Variants in SLIT2 observed in about 807,000 individuals in gnomAD.
SLIT2 encodes the protein slit homolog 2 protein.
In SLIT2, 41 loss-of-function variants were observed where a neutral mutation model predicts 185.7. The ratio of observed to expected loss-of-function variants is 0.22; its 90% CI spans 0.17 to 0.29. The LOEUF (loss-of-function observed/expected upper bound fraction) is 0.29. Ranked by LOEUF, SLIT2 falls within the 10% of genes least tolerant of loss-of-function variation. The pLI, the probability that SLIT2 is intolerant of heterozygous loss-of-function variation, is 1.00. For synonymous variants in SLIT2, 693 were observed against 680.2 expected (o/e 1.02, Z -0.29); for missense variants, 1,571 against 1,909.0 (o/e 0.82, Z 3.30).
chr4:20,255,129 G>C (rs1711668607), intron 1 of SLIT2: 2 of 443,832 alleles, frequency 4.5e-6, no homozygotes, highest in African/African-American at 2.0e-5. Flanking sequence ...AAGGGCGCGG[G>C]GCTAGGCCGG....
At chr4:20,487,499 CT>C (rs1307839832) in intron 7 of SLIT2, among the ~76,000 whole-genome samples, 1 of 152,142 alleles carries the variant, frequency 6.6e-6, no homozygotes, top group Non-Finnish European at 1.5e-5. Context: ...GTTTGTCTTA[CT>C]AATCAGGTTT....
chr4:20,307,825 G>T (rs1388167052), intron 4 of SLIT2, among the ~76,000 whole-genome samples: 3 of 152,102 alleles, frequency 2.0e-5, no homozygotes, highest in Admixed American at 6.5e-5. Context: ...GCAGTAACTT[G>T]CCCAAGCTCA....
At chr4:20,532,557 C>T (rs13107694) in intron 17 of SLIT2, among the ~76,000 whole-genome samples, 4 of 152,172 alleles carry the variant, frequency 2.6e-5, no homozygotes, top group Non-Finnish European at 4.4e-5. Flanking sequence ...GCAGTTTCAG[C>T]AACACTCAGT....
chr4:20,466,146 T>A (rs1714327606), intron 4 of SLIT2, among the ~76,000 whole-genome samples: 1 of 152,186 alleles, frequency 6.6e-6, no homozygotes, highest in Non-Finnish European at 1.5e-5. Flanking sequence ...TTGTGTCTTC[T>A]ATCTCTCTTT....
At chr4:20,472,515 GATAT>G (rs1491401273) in intron 5 of SLIT2, among the ~76,000 whole-genome samples, 1 of 9,266 alleles carries the variant, frequency 1.1e-4, no homozygotes, top group Non-Finnish European at 1.6e-4. Context: ...TATATAGATA[GATAT>G]ATATCTATAT....
intron 29 of SLIT2, among the ~76,000 whole-genome samples, chr4:20,588,243 G>A (rs1403070965): frequency 6.6e-6 from 1 of 152,148 alleles, no homozygotes; most frequent in African/African-American, 2.4e-5. Context: ...CTTTTTAAGA[G>A]ACAGATAAAA....
In SLIT2 at chr4:20,254,039, G is replaced by T. The variant is rs779618648; in HGVS notation, c.179+45G>T. On this transcript the variant is annotated intron_variant, in intron 1 of 36. Coordinates refer to ENST00000504154, the MANE Select transcript of SLIT2 (RefSeq NM_004787.4). The surrounding 1 kb of genome is among the most constrained non-coding windows in gnomAD (Gnocchi z 5.1). ...CTTCCCCTCTCCCCATCCGGGCCGCGCACCCCTGCCTCCACTGGAGGAACC... is the reference window on the plus strand; with the variant it reads ...CTTCCCCTCTCCCCATCCGGGCCGCTCACCCCTGCCTCCACTGGAGGAACC... 4.5e-6 allele frequency: 7 copies of T among 1,567,124 alleles called. No individual in the cohort carries two copies. The highest frequency in any genetic ancestry group is 1.3e-5 in the African/African-American group (1 of 74,140).
intron 3 of SLIT2, among the ~76,000 whole-genome samples, chr4:20,261,500 A>C (rs1712470729): frequency 6.6e-6 from 1 of 151,842 alleles, no homozygotes; most frequent in African/African-American, 2.4e-5. Context: ...GGGCTTGTGT[A>C]AAATTCTCTT....
intron 4 of SLIT2, among the ~76,000 whole-genome samples, chr4:20,405,643 A>G (rs1372841159): frequency 6.6e-6 from 1 of 151,928 alleles, no homozygotes; most frequent in Non-Finnish European, 1.5e-5. Flanking sequence ...GGAAGGTGGT[A>G]TTAGTAGACT....
Position 20,619,791 on chromosome 4 carries a change from C to G in SLIT2, c.*782C>G, listed in dbSNP as rs976898358. 1.6e-4 allele frequency: 24 copies of G among 152,056 alleles called. No homozygotes were observed. Among genetic ancestry groups the G allele is most frequent in the African/African-American group, 5.5e-4 (23 of 41,496 alleles). 9.4% of individuals were successfully genotyped at this position (152,056 alleles called of 1,614,324 possible). A position where few individuals can be genotyped will look rare whatever the true frequency, so the allele number is the denominator to read the frequency against. On this transcript the variant is annotated 3_prime_UTR_variant, in exon 37 of 37. Transcript: ENST00000504154. ...TTTCCATGAGAAATATTTATTGTAT[C>G]AAAGTACATTGTACTTAACATTTTA...
chr4:20,385,597 C>T (rs188934996), intron 4 of SLIT2, among the ~76,000 whole-genome samples: 75 of 152,182 alleles, frequency 4.9e-4, no homozygotes, highest in African/African-American at 1.6e-3. Context: ...TTTATTTCAT[C>T]GGTGAAATAA....
At chr4:20,557,009 A>G (rs1248486063) in intron 26 of SLIT2, among the ~76,000 whole-genome samples, 5 of 152,090 alleles carry the variant, frequency 3.3e-5, no homozygotes, top group South Asian at 2.1e-4. Context: ...CAAGGCCCCA[A>G]CTCTCTTTAT....
chr4:20,578,962 A>G (rs949733400), intron 29 of SLIT2, among the ~76,000 whole-genome samples: 22 of 152,148 alleles, frequency 1.4e-4, no homozygotes, highest in African/African-American at 5.1e-4. Flanking sequence ...TAGATGAGAC[A>G]TCCCATTGCC....
chr4:20,415,285 C>G (rs1020838627), intron 4 of SLIT2, among the ~76,000 whole-genome samples: 2 of 151,950 alleles, frequency 1.3e-5, no homozygotes, highest in African/African-American at 2.4e-5. Flanking sequence ...GTGGCGGGCG[C>G]CTGTAGTCCC....
chr4:20,488,448 A>G (rs1717462161), intron 7 of SLIT2, among the ~76,000 whole-genome samples: 2 of 152,314 alleles, frequency 1.3e-5, no homozygotes, highest in South Asian at 4.1e-4. Context: ...CACAACTTTT[A>G]CTAACTTGCC....
In SLIT2 at chr4:20,354,244, C is replaced by CA. The variant is rs199997355; in HGVS notation, c.395+85372dup. Among the ~76,000 whole-genome samples the CA allele has an allele frequency of 3.1e-3, 458 of 146,972 alleles. 1 individual carries two copies. Among genetic ancestry groups the CA allele is most frequent in the African/African-American group, 1.0e-2 (399 of 39,986 alleles). ...TTTTTTTTTTAACTTTTCCTTTCTGCAAAAAAAAATCAAACATTTATTAAC... is the reference window on the plus strand; with the variant it reads ...TTTTTTTTTTAACTTTTCCTTTCTGCAAAAAAAAAATCAAACATTTATTAAC... On this transcript the variant is annotated intron_variant, in intron 4 of 36. Transcript: ENST00000504154.
intron 4 of SLIT2, among the ~76,000 whole-genome samples, chr4:20,355,161 G>T (rs928537733): frequency 3.3e-5 from 5 of 152,148 alleles, no homozygotes; most frequent in Admixed American, 3.3e-4. Context: ...ATGGCAACAG[G>T]TGTGTAATTA....
chr4:20,490,467 A>G (rs999773832), intron 8 of SLIT2, among the ~76,000 whole-genome samples: 2 of 152,134 alleles, frequency 1.3e-5, no homozygotes, highest in African/African-American at 4.8e-5. Flanking sequence ...ATATATATAT[A>G]TGTATGGTTG....
intron 4 of SLIT2, among the ~76,000 whole-genome samples, chr4:20,296,557 A>G (rs1716504717): frequency 6.6e-6 from 1 of 152,206 alleles, no homozygotes; most frequent in Non-Finnish European, 1.5e-5. Context: ...GTGGCCTTAT[A>G]TTCCATTCTG....
Sources: gnomAD v4.1 joint callset for allele counts (sites outside exome capture counted in the v4.1 genomes callset) on GRCh38, gnomAD v4.1.1 for gene constraint, Gnocchi (gnomAD v3.1) non-coding constraint, MANE v1.5 for transcripts, NCBI Gene and HGNC (gene_info 2026-07-23, HGNC 2026-07-21) for gene names.